ATIC: variants seen among roughly 807,000 people sequenced by gnomAD.
ATIC encodes bifunctional purine biosynthesis protein ATIC.
A neutral mutation model predicts 72.5 loss-of-function variants in ATIC; 64 were observed. The ratio of observed to expected loss-of-function variants is 0.88; its 90% CI spans 0.72 to 1.09. The LOEUF (loss-of-function observed/expected upper bound fraction) is 1.09, where lower values mean the gene tolerates loss of function less well. Among genes scored for constraint, ATIC ranks in the 50% least tolerant of loss-of-function variants. ATIC has a pLI of 0.00. For synonymous variants in ATIC, 281 were observed against 267.1 expected (o/e 1.05, Z -0.51); for missense variants, 787 against 732.4 (o/e 1.07, Z -0.86).
At chr2:215,329,377 G>A (rs2052865239) in intron 7 of ATIC, among the ~76,000 whole-genome samples, 1 of 152,160 alleles carries the variant, frequency 6.6e-6, no homozygotes, top group Admixed American at 6.5e-5. Context: ...AGTATTATTT[G>A]TGGTAAACAT....
intron 8 of ATIC, among the ~76,000 whole-genome samples, chr2:215,333,056 G>T (rs3821353): frequency 0.21 from 31,748 of 151,982 alleles, 3,608 homozygotes; most frequent in East Asian, 0.5. Context: ...AAGCAGAACA[G>T]AGAGAAAGAG....
At chr2:215,367,735 A>G in the ATIC span, 3 of 899,946 alleles carry the variant, frequency 3.3e-6, no homozygotes, top group South Asian at 1.4e-5. Context: ...CGAGTCAAAC[A>G]GTATTCTCTT....
chr2:215,349,772 T>A (rs141624012), downstream of ATIC: 80 of 1,548,264 alleles, frequency 5.2e-5, no homozygotes, highest in East Asian at 7.0e-4. Flanking sequence ...GGATCCATAG[T>A]TTTTGGTAGT....
At chr2:215,340,811 A>G (rs973517776) in intron 12 of ATIC, among the ~76,000 whole-genome samples, 2 of 152,168 alleles carry the variant, frequency 1.3e-5, no homozygotes, top group East Asian at 1.9e-4. Context: ...TGCTCAGCCA[A>G]TTTACCTTTA....
At chr2:215,326,461 C>T (rs983664505) in intron 6 of ATIC, among the ~76,000 whole-genome samples, 5 of 151,806 alleles carry the variant, frequency 3.3e-5, no homozygotes, top group Admixed American at 6.6e-5. Flanking sequence ...AAAAATTAGC[C>T]GAGTGTGGTG....
chr2:215,333,905 G>T (rs2052924542), intron 9 of ATIC, among the ~76,000 whole-genome samples: 1 of 151,748 alleles, frequency 6.6e-6, no homozygotes, highest in Non-Finnish European at 1.5e-5. Context: ...AGCTGGGCGT[G>T]GTGGGGGGTA....
the ATIC span, chr2:215,367,928 G>A: frequency 1.2e-6 from 2 of 1,614,088 alleles, no homozygotes; most frequent in Non-Finnish European, 1.7e-6. Flanking sequence ...TTTAAAGCCT[G>A]ATTCAGACAT....
the ATIC span, chr2:215,361,477 T>C: frequency 9.8e-7 from 1 of 1,015,246 alleles, no homozygotes; most frequent in South Asian, 1.3e-5. Context: ...AACTCTAAGC[T>C]GGGTCTGCTA....
In ATIC at chr2:215,319,652, T is replaced by C. The variant is rs1295717090; in HGVS notation, c.224-13T>C. The C allele has an allele frequency of 1.3e-6, 2 of 1,598,442 alleles. No individual in the cohort carries two copies. Among genetic ancestry groups the C allele is most frequent in the East Asian group, 4.5e-5 (2 of 44,768 alleles). On this transcript the variant is annotated splice_polypyrimidine_tract_variant and intron_variant, in intron 3 of 15. Coordinates refer to ENST00000236959, the MANE Select transcript of ATIC (RefSeq NM_004044.7). ...TTTGAAGCTAATGACTTTGTTTAAC[T>C]TTTTTAAATTAGGAATCCTAGCTCG...
intron 5 of ATIC, 89 bp from the exon 6 acceptor site, chr2:215,325,898 T>TG: frequency 6.8e-7 from 1 of 1,481,032 alleles, no homozygotes; most frequent in Non-Finnish European, 9.3e-7. Flanking sequence ...GGAATTAAAA[T>TG]GGAAGTACAT....
chr2:215,353,241 C>A (rs959985400), downstream of ATIC, among the ~76,000 whole-genome samples: 5 of 152,158 alleles, frequency 3.3e-5, no homozygotes, highest in East Asian at 9.7e-4. Flanking sequence ...TAAAGTTTGA[C>A]CCACTTTTAT....
In ATIC at chr2:215,337,750, A is replaced by G. The variant is rs1453535378; in HGVS notation, c.1099-1029A>G. 3.3e-5 allele frequency among the ~76,000 whole-genome samples: 5 copies of G among 152,298 alleles called. No individual in the cohort carries two copies. In the East Asian group the frequency reaches 7.7e-4, roughly 23 times the overall value. On this transcript the variant is annotated intron_variant, in intron 11 of 15. Transcript: ENST00000236959. ...ACAACCATTAGCATTTTCTTGTAGC[A>G]TCATGGAAAATATTTTCCAAAACCT...
At chr2:215,350,485 C>G (rs1449392678), downstream of ATIC, among the ~76,000 whole-genome samples, 2 of 152,142 alleles carry the variant, frequency 1.3e-5, no homozygotes, top group Non-Finnish European at 2.9e-5. Context: ...TGTCTACTTT[C>G]CAAACAAACA....
the ATIC span, chr2:215,364,835 T>G: frequency 7.5e-7 from 1 of 1,336,908 alleles, no homozygotes; most frequent in Non-Finnish European, 1.0e-6. Context: ...AGCCCACCCT[T>G]TATCTTATCT....
At chr2:215,367,000 G>A in the ATIC span, among the ~76,000 whole-genome samples, 10,893 of 152,194 alleles carry the variant, frequency 0.072, 415 homozygotes, top group Middle Eastern at 0.088. Flanking sequence ...TGGATTAAAT[G>A]ATTTCAAGTA....
intron 2 of ATIC, among the ~76,000 whole-genome samples, chr2:215,313,791 A>G (rs575645775): frequency 6.6e-6 from 1 of 152,142 alleles, no homozygotes; most frequent in East Asian, 1.9e-4. Flanking sequence ...ATAACTGTAT[A>G]TTTTCGGATG....
At chr2:215,359,626 C>T in the ATIC span, among the ~76,000 whole-genome samples, 4 of 152,058 alleles carry the variant, frequency 2.6e-5, no homozygotes, top group South Asian at 8.6e-4. Context: ...AAGGAAACCT[C>T]ATCTGAGCTT....
At chr2:215,359,301 A>G in the ATIC span, among the ~76,000 whole-genome samples, 1 of 152,184 alleles carries the variant, frequency 6.6e-6, no homozygotes, top group African/African-American at 2.4e-5. Context: ...TCAAGGCTTT[A>G]AGCAAGATTC....
intron 13 of ATIC, chr2:215,345,314 C>A: frequency 4.1e-6 from 1 of 244,606 alleles, no homozygotes; most frequent in Non-Finnish European, 8.2e-6. Flanking sequence ...AGAAAGACTG[C>A]TAGACTAGGA....
Sources: allele counts gnomAD v4.1 joint callset (sites outside exome capture counted in the v4.1 genomes callset), GRCh38; gene constraint gnomAD v4.1.1; transcripts MANE v1.5; gene names NCBI Gene and HGNC (gene_info 2026-07-23, HGNC 2026-07-21).